PCDH11X: variants seen among roughly 807,000 people sequenced by gnomAD.
PCDH11X encodes the protein protocadherin 11 X-linked.
A neutral mutation model predicts 53.3 loss-of-function variants in PCDH11X; 18 were observed. The observed-to-expected ratio is 0.34, with a 90% CI of 0.23 to 0.50. The LOEUF is 0.50. Ranked by LOEUF, PCDH11X falls within the 20% of genes least tolerant of loss-of-function variation. The pLI is 0.98. For missense variants in PCDH11X, 570 were observed against 1,032.4 expected (o/e 0.55, Z 6.14); for synonymous variants, 279 against 393.3 (o/e 0.71, Z 3.44).
intron 6 of PCDH11X, among the ~76,000 whole-genome samples, chrX:92,180,436 T>A (rs191778454): frequency 1.8e-5 from 2 of 111,464 alleles, no homozygotes; most frequent in East Asian, 5.7e-4. Context: ...CTTCCTAGCC[T>A]CTAAACATTC....
chrX:92,336,289 G>A (rs1286154145), intron 8 of PCDH11X, among the ~76,000 whole-genome samples: 6 of 111,181 alleles, frequency 5.4e-5, no homozygotes, highest in African/African-American at 2.0e-4. Context: ...TCTGAAATAA[G>A]GTGACTTCAA....
rs1479017760 is a variant in PCDH11X, at chrX:92,015,537, ATTCAACAATGTTCACCGCATC to A, written c.3033+136269_3033+136289del. Among the ~76,000 whole-genome samples, 5 of 112,566 alleles carry A rather than the reference ATTCAACAATGTTCACCGCATC, an allele frequency of 4.4e-5. No individual in the cohort carries two copies. In the East Asian group the frequency reaches 1.4e-3, roughly 31 times the overall value. ...TAATATTCTAAATCTTTTGTTGTCA[ATTCAACAATGTTCACCGCATC>A]TTCACCAGAAGTAGATTTTATCTCA... On this transcript the variant is annotated intron_variant, in intron 6 of 10. Transcript: ENST00000682573.
intron 6 of PCDH11X, among the ~76,000 whole-genome samples, chrX:92,106,778 A>T (rs1248544341): frequency 3.6e-5 from 4 of 111,880 alleles, no homozygotes; most frequent in Non-Finnish European, 7.5e-5. Flanking sequence ...TATTAACCAA[A>T]AATAAATTCT....
At chrX:92,542,506 C>T in intron 10 of PCDH11X, among the ~76,000 whole-genome samples, 1 of 110,178 alleles carries the variant, frequency 9.1e-6, no homozygotes, top group African/African-American at 3.3e-5. Flanking sequence ...ATAATAAAAC[C>T]ACATTTTTAT....
chrX:92,128,930 AATT>A (rs2064921754), intron 6 of PCDH11X, among the ~76,000 whole-genome samples: 1 of 109,570 alleles, frequency 9.1e-6, no homozygotes, highest in Admixed American at 9.8e-5. Context: ...AGGACATTAT[AATT>A]ATTATAATTT....
chrX:92,113,392 A>C, intron 6 of PCDH11X: 1 of 1,202,096 alleles, frequency 8.3e-7, no homozygotes, highest in Middle Eastern at 3.2e-4. Context: ...GATTCTGTGG[A>C]TATAGTTTTC....
At chrX:92,615,242 G>A (rs73630171) in intron 10 of PCDH11X, among the ~76,000 whole-genome samples, 2,115 of 110,439 alleles carry the variant, frequency 0.019, 61 homozygotes, top group African/African-American at 0.066. Context: ...TATTGAGTGC[G>A]AAGTGCCTGC....
rs186615759 is a variant in PCDH11X, at chrX:91,952,474, A to G, written c.3033+73201A>G. ...ACCATTTGTGAACTTTGAAAAATAT[A>G]AAACTGCCAAAGAATGAATAACTCT... On this transcript the variant is annotated intron_variant, in intron 6 of 10. Coordinates refer to ENST00000682573, the MANE Select transcript of PCDH11X (RefSeq NM_032968.5). Among the ~76,000 whole-genome samples, 9 of 111,760 alleles carry G rather than the reference A, an allele frequency of 8.1e-5. No individual in the cohort carries two copies. In the Admixed American group the frequency reaches 8.6e-4, roughly 11 times the overall value.
At chrX:92,596,238 G>A (rs1008502540) in intron 10 of PCDH11X, among the ~76,000 whole-genome samples, 1 of 111,898 alleles carries the variant, frequency 8.9e-6, no homozygotes, top group Admixed American at 9.5e-5. Flanking sequence ...GCAAAGCAGC[G>A]GTTTTACTCA....
intron 10 of PCDH11X, among the ~76,000 whole-genome samples, chrX:92,615,647 G>A (rs1303256772): frequency 1.8e-5 from 2 of 110,753 alleles, no homozygotes; most frequent in Middle Eastern, 4.3e-3. Context: ...TGGCCATACT[G>A]CTAGGTCTCA....
intron 6 of PCDH11X, among the ~76,000 whole-genome samples, chrX:91,973,102 G>T (rs1375452281): frequency 1.8e-5 from 2 of 109,373 alleles, no homozygotes; most frequent in Non-Finnish European, 3.8e-5. Context: ...GGAATACTAT[G>T]CAGCCATAAA....
chrX:92,123,271 A>G (rs1191199199), intron 6 of PCDH11X, among the ~76,000 whole-genome samples: 1 of 111,214 alleles, frequency 9.0e-6, no homozygotes, highest in African/African-American at 3.3e-5. Context: ...TCTTATTACT[A>G]CTTGGTTCAT....
At chrX:91,940,825 G>A (rs1242209919) in intron 6 of PCDH11X, among the ~76,000 whole-genome samples, 1 of 108,278 alleles carries the variant, frequency 9.2e-6, no homozygotes, top group Non-Finnish European at 1.9e-5. Context: ...GAGCCACTGC[G>A]CCTGGTCAGA....
At chrX:92,399,432 A>G (rs910484687) in intron 9 of PCDH11X, among the ~76,000 whole-genome samples, 9 of 110,749 alleles carry the variant, frequency 8.1e-5, no homozygotes, top group African/African-American at 3.0e-4. Context: ...GTAAAGATGA[A>G]GGAGAGCAGA....
chrX:92,036,713 A>C (rs1181704735), intron 6 of PCDH11X, among the ~76,000 whole-genome samples: 1 of 111,443 alleles, frequency 9.0e-6, no homozygotes, highest in African/African-American at 3.3e-5. Flanking sequence ...GATACCCGAA[A>C]ATGTGGAAGC....
rs186330440 is a variant in PCDH11X, at chrX:92,533,362, A to G, written c.3367+65040A>G. On this transcript the variant is annotated intron_variant, in intron 10 of 10. Coordinates refer to ENST00000682573, the MANE Select transcript of PCDH11X (RefSeq NM_032968.5). Reference sequence around the variant, plus strand: ...CCTACTTAACATAAAAGAGTATGCTATCAAGAAAGCTGAGGATGTTACAGA... The same window carrying G: ...CCTACTTAACATAAAAGAGTATGCTGTCAAGAAAGCTGAGGATGTTACAGA... Among the ~76,000 whole-genome samples, 196 of 109,428 alleles carry G rather than the reference A, an allele frequency of 1.8e-3. 1 individual carries two copies. Among genetic ancestry groups the G allele is most frequent in the African/African-American group, 6.4e-3 (192 of 30,055 alleles).
At chrX:92,264,164 C>A (rs1414694040) in intron 8 of PCDH11X, among the ~76,000 whole-genome samples, 3 of 112,186 alleles carry the variant, frequency 2.7e-5, no homozygotes, top group Non-Finnish European at 5.6e-5. Context: ...AATCTGTTCA[C>A]CTTGGATGTC....
At position 92,089,625 on chromosome X, in the gene PCDH11X, C is replaced by T. The variant is rs1263324857; in HGVS notation, c.3034-111750C>T. On this transcript the variant is annotated intron_variant, in intron 6 of 10. Coordinates refer to ENST00000682573, the MANE Select transcript of PCDH11X (RefSeq NM_032968.5). ...GCAACCTCCTCCTCCCGGGTTCAAA[C>T]GATTCTCCTGTCTCAGCCTCCCAAG... Among the ~76,000 whole-genome samples the T allele has an allele frequency of 3.2e-4, 34 of 107,191 alleles. 1 individual carries two copies. Among genetic ancestry groups the T allele is most frequent in the Non-Finnish European group, 6.4e-4 (33 of 51,884 alleles). 93.1% of individuals were successfully genotyped at this position (107,191 alleles called of 115,157 possible). A position where few individuals can be genotyped will look rare whatever the true frequency, so the allele number is the denominator to read the frequency against.
At chrX:92,539,034 A>C in intron 10 of PCDH11X, among the ~76,000 whole-genome samples, 1 of 106,271 alleles carries the variant, frequency 9.4e-6, no homozygotes, top group African/African-American at 3.4e-5. Context: ...TCCTTTCTTT[A>C]TCCTTGACCT....
Sources: allele counts gnomAD v4.1 joint callset (sites outside exome capture counted in the v4.1 genomes callset), GRCh38; gene constraint gnomAD v4.1.1; transcripts MANE v1.5; gene names NCBI Gene and HGNC (gene_info 2026-07-23, HGNC 2026-07-21).